The following GREB1L variants were observed in gnomAD, a reference collection of about 807,000 sequenced individuals.
GREB1L encodes GREB1-like protein.
GREB1L carries 17 observed loss-of-function variants against 200.8 expected under a neutral mutation model. The observed-to-expected ratio is 0.08, with a 90% confidence interval of 0.06 to 0.13. The LOEUF is 0.13. Among genes scored for constraint, GREB1L ranks in the 10% least tolerant of loss-of-function variants. The pLI, the probability that GREB1L is intolerant of heterozygous loss-of-function variation, is 1.00. For missense variants in GREB1L, 1,657 were observed against 2,367.7 expected, an observed-to-expected ratio of 0.70 and a Z score of 6.23; for synonymous variants, 789 against 893.0, an observed-to-expected ratio of 0.88 and a Z score of 2.08.
intron 1 of GREB1L, among the ~76,000 whole-genome samples, chr18:21,364,479 C>CAAA (rs34641620): frequency 7.7e-6 from 1 of 129,934 alleles, no homozygotes; most frequent in Non-Finnish European, 1.7e-5. Flanking sequence ...AATATGATTG[C>CAAA]AAAAAAAAAA....
rs139999837 is a variant in GREB1L, at chr18:21,431,475, A to T, written c.833-8046A>T. Among the ~76,000 whole-genome samples the T allele has an allele frequency of 2.6e-4, 40 of 152,248 alleles. No homozygotes were observed. In the East Asian group the frequency reaches 7.7e-3, roughly 29 times the overall value. On this transcript the variant is annotated intron_variant, in intron 7 of 32. Coordinates refer to ENST00000424526, the MANE Select transcript of GREB1L (RefSeq NM_001142966.3). Reference sequence around the variant, plus strand: ...GTTCATTTGAGTCTCTTGAGTTTAGATAATGTATTTTATATGATTTTAGTT... The same window carrying T: ...GTTCATTTGAGTCTCTTGAGTTTAGTTAATGTATTTTATATGATTTTAGTT...
chr18:21,353,453 A>G (rs2039463404), intron 1 of GREB1L, among the ~76,000 whole-genome samples: 1 of 152,022 alleles, frequency 6.6e-6, no homozygotes, highest in South Asian at 2.1e-4. Flanking sequence ...GTTTTACTTT[A>G]TTATATATAT....
rs2033898568 is a variant in GREB1L, at chr18:21,441,493, A to C, written c.1163A>C (p.Glu388Ala). ...GCAGGGGAAACTGTAATTGTTCCTG[A>C]AAACCTGCTGAGTAACTCAGGAGTT... ...IPAGETVIVP[E>A]NLLSNSGVRP... The change falls in exon 10 of 33, where the codon GAA (glutamate) becomes GCA (alanine). Residue 388 changes from glutamate to alanine, a missense_variant. Physicochemically the swap from Glu to Ala is moderately radical, Grantham distance 107. This residue lies in a region of GREB1L where 289 missense variants were observed against 345.1 expected (regional missense o/e 0.84). Transcript: ENST00000424526. 6.4e-7 allele frequency: 1 copy of C among 1,551,778 alleles called. No homozygotes were observed. The highest frequency in any genetic ancestry group is 8.7e-7 in the Non-Finnish European group (1 of 1,146,920).
At chr18:21,296,248 C>T (rs1328854504) in intron 1 of GREB1L, among the ~76,000 whole-genome samples, 1 of 152,122 alleles carries the variant, frequency 6.6e-6, no homozygotes, top group African/African-American at 2.4e-5. Context: ...ACTACACAGC[C>T]ATAAAAAAGC....
chr18:21,428,870 A>AT (rs1192129085), intron 7 of GREB1L, among the ~76,000 whole-genome samples: 1 of 151,866 alleles, frequency 6.6e-6, no homozygotes, highest in Admixed American at 6.6e-5. Context: ...GGTGCCCGCC[A>AT]TCACACCTAG....
At chr18:21,522,104 T>C (rs772949673) in intron 32 of GREB1L, among the ~76,000 whole-genome samples, 1 of 150,390 alleles carries the variant, frequency 6.6e-6, no homozygotes, top group Non-Finnish European at 1.5e-5. Flanking sequence ...GAGGAACACA[T>C]GAGAAACATA....
chr18:21,326,226 C>T (rs535320681), intron 1 of GREB1L, among the ~76,000 whole-genome samples: 7 of 150,812 alleles, frequency 4.6e-5, no homozygotes, highest in African/African-American at 1.2e-4. Flanking sequence ...CACGTTTTTG[C>T]GAGAAATTAC....
intron 7 of GREB1L, among the ~76,000 whole-genome samples, chr18:21,412,325 A>G (rs2031145976): frequency 6.6e-6 from 1 of 152,080 alleles, no homozygotes; most frequent in South Asian, 2.1e-4. Flanking sequence ...AGGCAGGAGG[A>G]TCTCTTGAGC....
At chr18:21,436,594 A>G (rs1220424027) in intron 7 of GREB1L, among the ~76,000 whole-genome samples, 1 of 151,628 alleles carries the variant, frequency 6.6e-6, no homozygotes, top group Non-Finnish European at 1.5e-5. Flanking sequence ...TGTTTGTGCC[A>G]CTGCACTTCA....
chr18:21,500,689 C>T (rs190284881), intron 23 of GREB1L, 47 bp downstream of exon 23: 16 of 1,299,416 alleles, frequency 1.2e-5, no homozygotes, highest in East Asian at 2.6e-5. Context: ...GAGACAAAGA[C>T]ATTGAATTGC....
At chr18:21,511,841 T>TAGAGACATGTAGAGC (rs1220680149) in intron 27 of GREB1L, among the ~76,000 whole-genome samples, 16 of 152,112 alleles carry the variant, frequency 1.1e-4, no homozygotes, top group Non-Finnish European at 1.5e-5. Context: ...GAGACATGGG[T>TAGAGACATGTAGAGC]CTGTGTTGCT....
rs2035551466 is a variant in GREB1L, at chr18:21,473,230, G to T, written c.2363+19G>T. Reference sequence around the variant, plus strand: ...TAACGAGGTGATTGGTTCAGAGTGAGCAAATGGAGTCTCCCTTCTACAGGA... The same window carrying T: ...TAACGAGGTGATTGGTTCAGAGTGATCAAATGGAGTCTCCCTTCTACAGGA... On this transcript the variant is annotated intron_variant, in intron 16 of 32. Coordinates refer to ENST00000424526, the MANE Select transcript of GREB1L (RefSeq NM_001142966.3). 1 of 1,450,544 alleles carries T rather than the reference G, an allele frequency of 6.9e-7. No homozygotes were observed. The highest frequency in any genetic ancestry group is 9.2e-7 in the Non-Finnish European group (1 of 1,090,890). 89.9% of individuals were successfully genotyped at this position (1,450,544 alleles called of 1,614,324 possible).
intron 15 of GREB1L, among the ~76,000 whole-genome samples, chr18:21,459,279 CTTTT>C (rs746568414): frequency 7.0e-5 from 6 of 85,918 alleles, no homozygotes; most frequent in African/African-American, 3.1e-4. Flanking sequence ...TTTTTCTTTA[CTTTT>C]TTTTTTTTTT....
intron 1 of GREB1L, among the ~76,000 whole-genome samples, chr18:21,365,501 G>T (rs2039657474): frequency 6.6e-6 from 1 of 152,108 alleles, no homozygotes; most frequent in Non-Finnish European, 1.5e-5. Flanking sequence ...TTACTCAGAA[G>T]GGTAAGAAAC....
intron 1 of GREB1L, among the ~76,000 whole-genome samples, chr18:21,292,182 A>T (rs192934006): frequency 6.6e-6 from 1 of 152,336 alleles, no homozygotes; most frequent in African/African-American, 2.4e-5. Context: ...AAGCCTTGTT[A>T]GGTGCTACTG....
At chr18:21,406,875 CT>C (rs369137235) in intron 7 of GREB1L, among the ~76,000 whole-genome samples, 88 of 131,896 alleles carry the variant, frequency 6.7e-4, no homozygotes, top group Non-Finnish European at 8.8e-4. Context: ...CATTTTCTTC[CT>C]TTTTTTTTTT....
At chr18:21,408,203 G>T (rs1241054776) in intron 7 of GREB1L, among the ~76,000 whole-genome samples, 1 of 152,120 alleles carries the variant, frequency 6.6e-6, no homozygotes, top group African/African-American at 2.4e-5. Context: ...CATATTGTAT[G>T]CATGTATCAA....
At chr18:21,367,708 G>A (rs2039727543) in intron 2 of GREB1L, among the ~76,000 whole-genome samples, 1 of 152,128 alleles carries the variant, frequency 6.6e-6, no homozygotes, top group Non-Finnish European at 1.5e-5. Context: ...GATAGAAAGG[G>A]CTGTCAGTTG....
chr18:21,441,156 C>T (rs187933178), intron 9 of GREB1L, among the ~76,000 whole-genome samples: 38 of 152,192 alleles, frequency 2.5e-4, no homozygotes, highest in Admixed American at 7.2e-4. Flanking sequence ...ATGGAAAAAA[C>T]AACTGGAAGG....
Sources: gnomAD v4.1 joint callset for allele counts (sites outside exome capture counted in the v4.1 genomes callset) on GRCh38, gnomAD v4.1.1 for gene constraint, gnomAD v4.1.1 regional missense constraint, MANE v1.5 for transcripts, NCBI Gene and HGNC (gene_info 2026-07-23, HGNC 2026-07-21) for gene names.